Variants in TMPRSS11E observed in about 807,000 individuals in gnomAD.
TMPRSS11E encodes transmembrane serine protease 11E.
TMPRSS11E carries 38 observed loss-of-function variants against 48.1 expected under a neutral mutation model. The observed-to-expected ratio is 0.79, with a 90% confidence interval of 0.61 to 1.04. TMPRSS11E has a LOEUF of 1.04. Ranked by LOEUF, TMPRSS11E falls within the 50% of genes least tolerant of loss-of-function variation. TMPRSS11E has a pLI of 0.00. For missense variants in TMPRSS11E, 530 were observed against 510.8 expected, an observed-to-expected ratio of 1.04 and a Z score of -0.36; for synonymous variants, 158 against 171.9, an observed-to-expected ratio of 0.92 and a Z score of 0.63.
chr4:68,474,745 C>G lies in TMPRSS11E; in HGVS notation c.513C>G (p.Asp171Glu). ...CAGAAATCAACAAGACAGAAACAGA[C>G]AGCTATCTAAACCATTGTAAGTTTA... ...KIKKINKTET[D>E]SYLNHCCGTR... The change falls in exon 6 of 10, where the codon GAC becomes GAG. Residue 171 changes from aspartate (D) to glutamate (E), a missense_variant. Coordinates refer to ENST00000305363, the MANE Select transcript of TMPRSS11E (RefSeq NM_014058.4). The G allele has an allele frequency of 1.2e-6, 2 of 1,603,868 alleles. No individual in the cohort carries two copies. The highest frequency in any genetic ancestry group is 1.1e-5 in the South Asian group (1 of 88,084).
In TMPRSS11E at chr4:68,473,104, A is replaced by G. The variant is rs1729119039; in HGVS notation, c.490+1481A>G. ...TCTTTTTATTTTCCTGGTTAATATG[A>G]GAAAATTCTACCAACACTCTCTACC... On this transcript the variant is annotated intron_variant, in intron 5 of 9. Coordinates refer to ENST00000305363, the MANE Select transcript of TMPRSS11E (RefSeq NM_014058.4). Among the ~76,000 whole-genome samples the G allele has an allele frequency of 2.0e-5, 3 of 152,106 alleles. No homozygotes were observed. The South Asian group carries it at 6.2e-4, about 32-fold the overall frequency.
chr4:68,478,849 G>A lies in TMPRSS11E; in HGVS notation c.968G>A (p.Gly323Asp). The A allele has an allele frequency of 2.5e-6, 4 of 1,608,024 alleles. No individual in the cohort carries two copies. The highest frequency in any genetic ancestry group is 2.5e-6 in the Non-Finnish European group (3 of 1,178,280). ...ATACAAAGACTTTTTTTTCTTTTAG[G>A]TTACAGTCAAAATCATCTTCGACAA... ...VTGFGALKND[G>D]YSQNHLRQAQ... The change falls in exon 9 of 10, where the codon GGT becomes GAT. Residue 323 changes from glycine to aspartate, a missense_variant and splice_region_variant. Coordinates refer to ENST00000305363, the MANE Select transcript of TMPRSS11E (RefSeq NM_014058.4).
intron 2 of TMPRSS11E, among the ~76,000 whole-genome samples, chr4:68,463,619 T>C (rs1728852155): frequency 6.6e-6 from 1 of 152,134 alleles, no homozygotes; most frequent in Non-Finnish European, 1.5e-5. Flanking sequence ...ATACTTTAAA[T>C]AAAAATGAAT....
chr4:68,479,897 C>G (rs1032055052), intron 9 of TMPRSS11E, among the ~76,000 whole-genome samples: 3 of 152,030 alleles, frequency 2.0e-5, no homozygotes, highest in African/African-American at 7.2e-5. Flanking sequence ...TTCTTTGTCT[C>G]TAACAGTCTT....
chr4:68,475,604 C>T (rs1454185972), intron 6 of TMPRSS11E, among the ~76,000 whole-genome samples: 1 of 152,106 alleles, frequency 6.6e-6, no homozygotes, highest in African/African-American at 2.4e-5. Flanking sequence ...AATATCTCTA[C>T]CTGAAGCACC....
chr4:68,480,214 CT>C (rs61287671), intron 9 of TMPRSS11E, among the ~76,000 whole-genome samples: 37,055 of 151,898 alleles, frequency 0.24, 5,571 homozygotes, highest in East Asian at 0.77. Context: ...TTAAAATACT[CT>C]TTCAGTCCCA....
chr4:68,456,301 C>A (rs369721275), intron 1 of TMPRSS11E, among the ~76,000 whole-genome samples: 1 of 151,834 alleles, frequency 6.6e-6, no homozygotes, highest in African/African-American at 2.4e-5. Context: ...GAGAACTAGC[C>A]GTAATTATTA....
At chr4:68,487,019 C>T (rs1164184886) in intron 9 of TMPRSS11E, among the ~76,000 whole-genome samples, 1 of 152,074 alleles carries the variant, frequency 6.6e-6, no homozygotes, top group East Asian at 1.9e-4. Flanking sequence ...AGTGTCATTG[C>T]ATTTGAGATG....
intron 4 of TMPRSS11E, among the ~76,000 whole-genome samples, chr4:68,469,585 A>G (rs1729009467): frequency 6.6e-6 from 1 of 152,046 alleles, no homozygotes; most frequent in African/African-American, 2.4e-5. Flanking sequence ...TCTCTAAGGC[A>G]TTACTTTGAT....
At chr4:68,462,258 A>C (rs1728811086) in intron 2 of TMPRSS11E, among the ~76,000 whole-genome samples, 1 of 152,052 alleles carries the variant, frequency 6.6e-6, no homozygotes, top group South Asian at 2.1e-4. Context: ...GAGTTGTTTG[A>C]GGTCACAGGG....
chr4:68,495,171 T>G (rs1729832295), intron 9 of TMPRSS11E, among the ~76,000 whole-genome samples: 1 of 152,158 alleles, frequency 6.6e-6, no homozygotes, highest in African/African-American at 2.4e-5. Context: ...TAGAATAGAC[T>G]CTATATTTTT....
chr4:68,484,964 G>A (rs1216159607), intron 9 of TMPRSS11E, among the ~76,000 whole-genome samples: 1 of 152,060 alleles, frequency 6.6e-6, no homozygotes, highest in African/African-American at 2.4e-5. Flanking sequence ...AATTGCTTTG[G>A]TCAAAACTTC....
At position 68,496,927 on chromosome 4, in the gene TMPRSS11E, C is replaced by T; in HGVS notation, c.*123C>T. 1 of 1,009,360 alleles carries T rather than the reference C, an allele frequency of 9.9e-7. No individual in the cohort carries two copies. The highest frequency in any genetic ancestry group is 2.4e-5 in the Admixed American group (1 of 41,748). 62.5% of individuals were successfully genotyped at this position (1,009,360 alleles called of 1,614,324 possible). A position where few individuals can be genotyped will look rare whatever the true frequency, so the allele number is the denominator to read the frequency against. On this transcript the variant is annotated 3_prime_UTR_variant, in exon 10 of 10. Coordinates refer to ENST00000305363, the MANE Select transcript of TMPRSS11E (RefSeq NM_014058.4). ...GCTAGATTTGACTGATCTCAATAAACTGTTTGCTTGATGCATGTATTTTCT... is the reference window on the plus strand; with the variant it reads ...GCTAGATTTGACTGATCTCAATAAATTGTTTGCTTGATGCATGTATTTTCT...
chr4:68,466,768 T>C lies in TMPRSS11E; in HGVS notation c.258+16T>C, dbSNP rs1728938571. ...TGAATCAATGGTAAGCAACTTGTCA[T>C]CTACTTCTAGTGCATTTGCTTTCAC... On this transcript the variant is annotated intron_variant, in intron 3 of 9. Coordinates refer to ENST00000305363, the MANE Select transcript of TMPRSS11E (RefSeq NM_014058.4). 6.2e-7 allele frequency: 1 copy of C among 1,613,146 alleles called. No homozygotes were observed. The highest frequency in any genetic ancestry group is 8.5e-7 in the Non-Finnish European group (1 of 1,179,426).
intron 9 of TMPRSS11E, among the ~76,000 whole-genome samples, chr4:68,495,176 AT>A (rs1259610937): frequency 6.6e-6 from 1 of 152,038 alleles, no homozygotes; most frequent in South Asian, 2.1e-4. Context: ...TAGACTCTAT[AT>A]TTTTTTCTAT....
chr4:68,455,401 A>G (rs931168153), intron 1 of TMPRSS11E, among the ~76,000 whole-genome samples: 2 of 151,950 alleles, frequency 1.3e-5, no homozygotes, highest in African/African-American at 4.8e-5. Flanking sequence ...ATATCATACA[A>G]GTTGGGGCTC....
At chr4:68,465,849 A>G (rs1266897682) in intron 2 of TMPRSS11E, among the ~76,000 whole-genome samples, 1 of 152,194 alleles carries the variant, frequency 6.6e-6, no homozygotes, top group Non-Finnish European at 1.5e-5. Context: ...TTGAATGAAT[A>G]CATTAATTTT....
chr4:68,455,624 A>G (rs1728608735), intron 1 of TMPRSS11E, among the ~76,000 whole-genome samples: 1 of 151,976 alleles, frequency 6.6e-6, no homozygotes, highest in Admixed American at 6.6e-5. Context: ...CTCAAGCTAT[A>G]TATTAGCAGC....
intron 9 of TMPRSS11E, among the ~76,000 whole-genome samples, chr4:68,494,337 T>C (rs556385074): frequency 5.9e-5 from 9 of 152,350 alleles, no homozygotes; most frequent in African/African-American, 2.2e-4. Flanking sequence ...AAATGTTGCC[T>C]GGGTTTTTAA....
Sources: allele counts gnomAD v4.1 joint callset (sites outside exome capture counted in the v4.1 genomes callset), GRCh38; gene constraint gnomAD v4.1.1; transcripts MANE v1.5; gene names NCBI Gene and HGNC (gene_info 2026-07-23, HGNC 2026-07-21).